HTR7: variants seen among roughly 807,000 people sequenced by gnomAD.
HTR7 encodes 5-HT-7.
In HTR7, 16 loss-of-function variants were observed where a neutral mutation model predicts 34.0. That is an observed-to-expected ratio of 0.47 (90% CI 0.32 to 0.71). The LOEUF is 0.71. Among genes scored for constraint, HTR7 ranks in the 30% least tolerant of loss-of-function variants. HTR7 has a pLI of 0.04. For synonymous variants in HTR7, 265 were observed against 260.2 expected, an observed-to-expected ratio of 1.02 and a Z score of -0.18; for missense variants, 504 against 625.5, an observed-to-expected ratio of 0.81 and a Z score of 2.07.
Position 90,785,087 on chromosome 10 carries a change from A to T in HTR7, c.540-35493T>A, listed in dbSNP as rs555470337. ...AGGGAATCACCTCATCATCCGCTGC[A>T]GGAGGCTATAAGTGACCTGCTGATT... On this transcript the variant is annotated intron_variant, in intron 1 of 3. Coordinates refer to ENST00000336152, the MANE Select transcript of HTR7 (RefSeq NM_019859.4). 3.3e-5 allele frequency among the ~76,000 whole-genome samples: 5 copies of T among 152,342 alleles called. No homozygotes were observed. In the South Asian group the frequency reaches 1.0e-3, roughly 32 times the overall value.
At chr10:90,817,791 C>T (rs1712548192) in intron 1 of HTR7, among the ~76,000 whole-genome samples, 1 of 152,116 alleles carries the variant, frequency 6.6e-6, no homozygotes, top group Admixed American at 6.5e-5. Flanking sequence ...TATAACTAGT[C>T]ATAATAGCAA....
chr10:90,856,613 C>A (rs779493475), intron 1 of HTR7, among the ~76,000 whole-genome samples: 5 of 152,166 alleles, frequency 3.3e-5, no homozygotes, highest in Admixed American at 2.6e-4. Flanking sequence ...AGCAAGAATG[C>A]GATTCCGAAC....
In HTR7 at chr10:90,856,240, T is replaced by G. The variant is rs185473622; in HGVS notation, c.539+893A>C. Among the ~76,000 whole-genome samples the G allele has an allele frequency of 1.7e-3, 260 of 152,350 alleles. 2 individuals carry two copies. The highest frequency in any genetic ancestry group is 6.0e-3 in the African/African-American group (249 of 41,578). ...AATATTAAGGTCTCATATTTCAGTT[T>G]CAAGTGAAATAGAGTTGTTTTAGGC... On this transcript the variant is annotated intron_variant, in intron 1 of 3. Transcript: ENST00000336152.
At chr10:90,744,029 C>G in intron 2 of HTR7, 1 of 450,224 alleles carries the variant, frequency 2.2e-6, no homozygotes, top group Non-Finnish European at 4.4e-6. Flanking sequence ...AAGAAAGAAA[C>G]TATTATGTAG....
intron 1 of HTR7, among the ~76,000 whole-genome samples, chr10:90,808,250 C>T (rs1048326498): frequency 6.6e-6 from 1 of 151,970 alleles, no homozygotes; most frequent in African/African-American, 2.4e-5. Flanking sequence ...CCCGTCTCCA[C>T]CTTTCTGGGG....
intron 1 of HTR7, among the ~76,000 whole-genome samples, chr10:90,775,468 T>G (rs1259821262): frequency 2.0e-5 from 3 of 152,174 alleles, no homozygotes; most frequent in Non-Finnish European, 2.9e-5. Context: ...GAACACCATG[T>G]GGCCATGATC....
At chr10:90,854,958 C>A (rs1214675317) in intron 1 of HTR7, among the ~76,000 whole-genome samples, 1 of 152,136 alleles carries the variant, frequency 6.6e-6, no homozygotes, top group Non-Finnish European at 1.5e-5. Flanking sequence ...CTGTCATATT[C>A]TACAACGGAA....
At chr10:90,756,607 T>C (rs1027756046) in intron 1 of HTR7, among the ~76,000 whole-genome samples, 44 of 152,014 alleles carry the variant, frequency 2.9e-4, no homozygotes, top group Admixed American at 2.8e-3. Context: ...GCAACAAAAT[T>C]CAACCAAGTT....
chr10:90,835,516 T>C (rs1846240908), intron 1 of HTR7, among the ~76,000 whole-genome samples: 1 of 152,248 alleles, frequency 6.6e-6, no homozygotes, highest in Admixed American at 6.5e-5. Context: ...TTCCTCTGCC[T>C]ACCTGTTTTA....
intron 1 of HTR7, among the ~76,000 whole-genome samples, chr10:90,821,317 G>A (rs78195524): frequency 0.022 from 3,344 of 152,264 alleles, 49 homozygotes; most frequent in Non-Finnish European, 0.035. Flanking sequence ...TAGAGAATCC[G>A]TGCACTTGGG....
chr10:90,848,340 C>T (rs759569877), intron 1 of HTR7, among the ~76,000 whole-genome samples: 12 of 152,074 alleles, frequency 7.9e-5, no homozygotes, highest in Non-Finnish European at 1.8e-4. Context: ...GGCATGCTGG[C>T]ATTATAGGTG....
Position 90,821,343 on chromosome 10 carries a change from T to C in HTR7, c.539+35790A>G, listed in dbSNP as rs117098809. Among the ~76,000 whole-genome samples the C allele has an allele frequency of 4.0e-3, 612 of 152,182 alleles. 1 individual carries two copies. Among genetic ancestry groups the C allele is most frequent in the Non-Finnish European group, 6.1e-3 (417 of 68,010 alleles). ...TGCACTTGGGGGAGAAAGAGCACAG[T>C]GATTGTGGGACTTTGCATTGGAACT... is the stretch of plus-strand genomic sequence containing the variant. On this transcript the variant is annotated intron_variant, in intron 1 of 3. Transcript: ENST00000336152.
At chr10:90,835,825 T>G (rs1211037392) in intron 1 of HTR7, among the ~76,000 whole-genome samples, 1 of 152,076 alleles carries the variant, frequency 6.6e-6, no homozygotes, top group Non-Finnish European at 1.5e-5. Flanking sequence ...GACACAGCTT[T>G]CCAAAGGCTG....
chr10:90,810,479 C>A lies in HTR7; in HGVS notation c.539+46654G>T, dbSNP rs545359941. Among the ~76,000 whole-genome samples, 3 of 150,716 alleles carry A rather than the reference C, an allele frequency of 2.0e-5. No individual in the cohort carries two copies. In the South Asian group the frequency reaches 6.3e-4, roughly 32 times the overall value. On this transcript the variant is annotated intron_variant, in intron 1 of 3. Transcript: ENST00000336152. ...TATCACTCGCCTGCTACAGCATGGC[C>A]TTTTAAAGCCTATAAACTCTCCTTA...
At chr10:90,745,509 G>A (rs552772327) in intron 2 of HTR7, among the ~76,000 whole-genome samples, 1 of 152,330 alleles carries the variant, frequency 6.6e-6, no homozygotes, top group African/African-American at 2.4e-5. Flanking sequence ...AGCAACATAT[G>A]TCTGTTTGTG....
chr10:90,781,657 T>C (rs556135802), intron 1 of HTR7, among the ~76,000 whole-genome samples: 10 of 152,370 alleles, frequency 6.6e-5, no homozygotes, highest in African/African-American at 1.9e-4. Context: ...AAACATTTTA[T>C]CTTGTTATAT....
chr10:90,763,395 T>G (rs1844969663), intron 1 of HTR7, among the ~76,000 whole-genome samples: 1 of 150,928 alleles, frequency 6.6e-6, no homozygotes, highest in Non-Finnish European at 1.5e-5. Context: ...GTTTTGATGC[T>G]ACTATAATTG....
intron 1 of HTR7, among the ~76,000 whole-genome samples, chr10:90,799,370 AATG>A (rs1845591083): frequency 6.6e-6 from 1 of 151,262 alleles, no homozygotes; most frequent in Non-Finnish European, 1.5e-5. Context: ...TGAATGAATG[AATG>A]AATGAATGAA....
At chr10:90,803,773 C>T (rs2119933679) in intron 1 of HTR7, among the ~76,000 whole-genome samples, 1 of 152,286 alleles carries the variant, frequency 6.6e-6, no homozygotes, top group Non-Finnish European at 1.5e-5. Flanking sequence ...CTTTGCACTG[C>T]TTTGGAGATA....
Sources: gnomAD v4.1 joint callset for allele counts (sites outside exome capture counted in the v4.1 genomes callset) on GRCh38, gnomAD v4.1.1 for gene constraint, MANE v1.5 for transcripts, NCBI Gene and HGNC (gene_info 2026-07-23, HGNC 2026-07-21) for gene names.